HMX1: variants seen among roughly 807,000 people sequenced by gnomAD.
HMX1 encodes homeobox protein HMX1.
Under a neutral mutation model 8.9 loss-of-function variants are expected in HMX1, and 8 were observed. The ratio of observed to expected loss-of-function variants is 0.90; its 90% CI spans 0.53 to 1.63. HMX1 has a LOEUF of 1.63. HMX1 is among the 40% of genes most tolerant of loss of function. The pLI, the probability that HMX1 is intolerant of heterozygous loss-of-function variation, is 0.00. For missense variants in HMX1, 621 were observed against 558.5 expected (o/e 1.11, Z -1.13); for synonymous variants, 311 against 283.4 (o/e 1.10, Z -0.98).
At position 8,849,101 on chromosome 4, in the gene HMX1, A is replaced by G. The variant is rs940632533; in HGVS notation, c.395-2777T>C. On this transcript the variant is annotated intron_variant, in intron 1 of 1. Coordinates refer to the HMX1 transcript ENST00000506970. This position sits in a 1 kb window ranked among gnomAD's most constrained non-coding sequence, Gnocchi z 6.6. ...GTGGACGTCTTCTCTCAGAGCCTCG[A>G]TTTTCCCATCTGTGAAACGGGGGTA... 5.3e-5 allele frequency among the ~76,000 whole-genome samples: 8 copies of G among 151,758 alleles called. No homozygotes were observed. The highest frequency in any genetic ancestry group is 1.9e-4 in the African/African-American group (8 of 41,310).
chr4:8,852,393 G>A (rs538175975), intron 1 of HMX1, among the ~76,000 whole-genome samples: 2 of 152,316 alleles, frequency 1.3e-5, no homozygotes, highest in African/African-American at 4.8e-5. Flanking sequence ...TGAGCACCTA[G>A]GACAGATGAG....
chr4:8,852,904 C>G (rs180677234), intron 1 of HMX1, among the ~76,000 whole-genome samples: 2 of 152,134 alleles, frequency 1.3e-5, no homozygotes, highest in East Asian at 3.9e-4. Flanking sequence ...CCCCTTATTC[C>G]TGAATAAAAC....
intron 1 of HMX1, among the ~76,000 whole-genome samples, chr4:8,859,818 T>G (rs1237936099): frequency 6.6e-6 from 1 of 152,218 alleles, no homozygotes; most frequent in Non-Finnish European, 1.5e-5. Flanking sequence ...TCAGCTCCCG[T>G]CCCGGCCCGA....
At chr4:8,865,555 G>A (rs943942286), downstream of HMX1, among the ~76,000 whole-genome samples, 1 of 152,074 alleles carries the variant, frequency 6.6e-6, no homozygotes, top group Admixed American at 6.5e-5. Flanking sequence ...GATGTGTCCC[G>A]GTGACTGGGT....
At chr4:8,859,139 C>A (rs1721711316) in intron 1 of HMX1, 1 of 152,274 alleles carries the variant, frequency 6.6e-6, no homozygotes, top group African/African-American at 2.4e-5. Flanking sequence ...GCCAAGGTCT[C>A]TTCTAGCAGG....
chr4:8,868,327 G>C lies in HMX1; in HGVS notation c.413C>G (p.Pro138Arg), dbSNP rs987428722. ...LSPDTSDRDSPETGEEMGRAE... is the reference protein window; with the variant it reads ...LSPDTSDRDSRETGEEMGRAE... ...ACGGCCCATCTCCTCGCCCGTCTCC[G>C]GTGAGTCCCGGTCGCTGGCTGCAGG... The change falls in exon 2 of 2, where the codon CCG becomes CGG. Residue 138 changes from proline to arginine, a missense_variant. Physicochemically the swap from Pro to Arg is moderately radical, Grantham distance 103. Transcript: ENST00000400677. This position sits in a 1 kb window ranked among gnomAD's most constrained non-coding sequence, Gnocchi z 4.6. 3 of 1,407,870 alleles carry C rather than the reference G, an allele frequency of 2.1e-6. No homozygotes were observed. The highest frequency in any genetic ancestry group is 1.8e-6 in the Non-Finnish European group (2 of 1,088,742). 87.2% of individuals were successfully genotyped at this position (1,407,870 alleles called of 1,614,324 possible).
intron 1 of HMX1, chr4:8,860,841 G>A (rs895133836): frequency 2.6e-5 from 4 of 152,418 alleles, no homozygotes; most frequent in African/African-American, 7.2e-5. Flanking sequence ...GACCCCGAGG[G>A]GTAAGGGGCC....
At chr4:8,854,005 G>C (rs758490783) in intron 1 of HMX1, among the ~76,000 whole-genome samples, 5 of 152,152 alleles carry the variant, frequency 3.3e-5, no homozygotes, top group Non-Finnish European at 7.4e-5. Context: ...GCCCTGAGCC[G>C]ACCCATGGCC....
At chr4:8,850,266 G>C (rs1474483603) in intron 1 of HMX1, among the ~76,000 whole-genome samples, 1 of 152,068 alleles carries the variant, frequency 6.6e-6, no homozygotes, top group Non-Finnish European at 1.5e-5. Flanking sequence ...GCCCGTGCCC[G>C]CCTGCCTGTG....
chr4:8,867,011 CTG>C, downstream of HMX1: 1 of 933,444 alleles, frequency 1.1e-6, no homozygotes, highest in Non-Finnish European at 1.3e-6. Context: ...GCAGCTTGAG[CTG>C]TCTCTGCCCT....
Position 8,871,440 on chromosome 4 carries a change from G to A in HMX1, c.175C>T (p.Gln59Ter). The change falls in exon 1 of 2, where the codon CAG becomes TAG. Residue 59 changes from glutamine to a stop codon, truncating the protein, a stop_gained. Transcript: ENST00000400677. LOFTEE classifies it high-confidence loss of function. The surrounding 1 kb of genome is among the most constrained non-coding windows in gnomAD (Gnocchi z 4.8). ...CGCTGTAGCCGTCGCCGCCGCGCCT[G>A]CTCGGCGTCCTCGTCTTCGGGGTCG... ...DDDPEDEDAE[Q>*]ARRRRLQRRR... The A allele has an allele frequency of 1.5e-6, 2 of 1,327,428 alleles. No homozygotes were observed. Among genetic ancestry groups the A allele is most frequent in the South Asian group, 1.6e-5 (1 of 63,200 alleles). 82.2% of individuals were successfully genotyped at this position (1,327,428 alleles called of 1,614,324 possible).
At chr4:8,859,137 C>G (rs1284075783) in intron 1 of HMX1, 2 of 152,228 alleles carry the variant, frequency 1.3e-5, no homozygotes, top group African/African-American at 4.8e-5. Context: ...TGGCCAAGGT[C>G]TCTTCTAGCA....
downstream of HMX1, among the ~76,000 whole-genome samples, chr4:8,866,029 G>A (rs892055588): frequency 5.3e-5 from 8 of 152,228 alleles, 1 homozygote; most frequent in African/African-American, 1.9e-4. Flanking sequence ...CACAGGGCCT[G>A]GAACCCAGAG....
chr4:8,862,065 G>C (rs1023494109), downstream of HMX1, among the ~76,000 whole-genome samples: 4 of 152,230 alleles, frequency 2.6e-5, no homozygotes, highest in African/African-American at 9.6e-5. Context: ...CGGAGGCGAC[G>C]CCCCGGCGCC....
At chr4:8,846,741 C>G (rs2109450276) in intron 1 of HMX1, among the ~76,000 whole-genome samples, 1 of 152,148 alleles carries the variant, frequency 6.6e-6, no homozygotes, top group Middle Eastern at 3.4e-3. Context: ...ATACACGGAG[C>G]TCCTACTGGG....
chr4:8,857,543 C>A (rs955427001), intron 1 of HMX1, among the ~76,000 whole-genome samples: 3 of 152,196 alleles, frequency 2.0e-5, no homozygotes, highest in African/African-American at 7.2e-5. Flanking sequence ...TGACGGCTGA[C>A]CTAGAGCCCA....
chr4:8,868,175 C>A lies in HMX1; in HGVS notation c.565G>T (p.Ala189Ser), dbSNP rs1167714739. 3 of 1,497,862 alleles carry A rather than the reference C, an allele frequency of 2.0e-6. No homozygotes were observed. Among genetic ancestry groups the A allele is most frequent in the Non-Finnish European group, 2.7e-6 (3 of 1,129,392 alleles). The allele number at this position is 1,497,862 out of a possible 1,614,324, so 92.8% of individuals were successfully genotyped here. A position where few individuals can be genotyped will look rare whatever the true frequency, so the allele number is the denominator to read the frequency against. Residue 189 changes from alanine to serine, a missense_variant, in exon 2 of 2, where the codon GCT becomes TCT. Transcript: ENST00000400677. The surrounding 1 kb of genome is among the most constrained non-coding windows in gnomAD (Gnocchi z 4.6). The part of the protein sequence containing the change: ...ASELAEVPAA[A>S]GETRGGVGVG... ...CCAACGCCGCCGCGTGTCTCCCCAG[C>A]CGCCGCAGGGACCTCGGCCAGCTCC...
intron 1 of HMX1, among the ~76,000 whole-genome samples, chr4:8,860,344 G>C (rs1473729850): frequency 6.6e-6 from 1 of 152,260 alleles, no homozygotes; most frequent in South Asian, 2.1e-4. Context: ...GGTGGGTGCT[G>C]AGCGGGAACA....
chr4:8,855,762 C>T (rs1577193889), intron 1 of HMX1, among the ~76,000 whole-genome samples: 2 of 152,164 alleles, frequency 1.3e-5, no homozygotes, highest in South Asian at 2.1e-4. Context: ...AGGAGGTGCA[C>T]GTGAGGGCAG....
Sources: gnomAD v4.1 joint callset for allele counts (sites outside exome capture counted in the v4.1 genomes callset) on GRCh38, gnomAD v4.1.1 for gene constraint, Gnocchi (gnomAD v3.1) non-coding constraint, MANE v1.5 for transcripts, NCBI Gene and HGNC (gene_info 2026-07-23, HGNC 2026-07-21) for gene names.